DSCAML1: variants seen among roughly 807,000 people sequenced by gnomAD.
DSCAML1 encodes the protein cell adhesion molecule DSCAML1.
Under a neutral mutation model 200.5 loss-of-function variants are expected in DSCAML1, and 38 were observed. That is an observed-to-expected ratio of 0.19 (90% confidence interval 0.15 to 0.25). The LOEUF (loss-of-function observed/expected upper bound fraction) is 0.25, where lower values mean the gene tolerates loss of function less well. Among genes scored for constraint, DSCAML1 ranks in the 10% least tolerant of loss-of-function variants. The pLI, the probability that DSCAML1 is intolerant of heterozygous loss-of-function variation, is 1.00. For synonymous variants in DSCAML1, 1,215 were observed against 1,165.0 expected, an observed-to-expected ratio of 1.04 and a Z score of -0.87; for missense variants, 2,223 against 2,858.8, an observed-to-expected ratio of 0.78 and a Z score of 5.07.
At chr11:117,686,917 T>A (rs929690377) in intron 3 of DSCAML1, among the ~76,000 whole-genome samples, 6 of 152,234 alleles carry the variant, frequency 3.9e-5, no homozygotes, top group African/African-American at 1.4e-4. Flanking sequence ...AACCGGTGAC[T>A]CAGGCACTAA....
At position 117,450,647 on chromosome 11, in the gene DSCAML1, C is replaced by A. The variant is rs1456154485; in HGVS notation, c.3610G>T (p.Ala1204Ser). 1 of 1,614,054 alleles carries A rather than the reference C, an allele frequency of 6.2e-7. No homozygotes were observed. Among genetic ancestry groups the A allele is most frequent in the Non-Finnish European group, 8.5e-7 (1 of 1,180,032 alleles). ...PAGIKAVPSS[A>S]SSVVVSWLPP... ...AGCCAAGACACAACCACACTGCTAG[C>A]TGATGAAGGGACAGCTTTGATGCCA... Residue 1204 changes from alanine (A) to serine (S), a missense_variant, in exon 20 of 33, where the codon GCT becomes TCT. Ala to Ser is a moderately conservative substitution (Grantham distance 99). Transcript: ENST00000651296.
At chr11:117,769,804 T>C (rs984742458) in intron 3 of DSCAML1, among the ~76,000 whole-genome samples, 12 of 151,656 alleles carry the variant, frequency 7.9e-5, no homozygotes, top group African/African-American at 2.4e-4. Context: ...AAGCTAAATA[T>C]GTCAAACGCT....
At chr11:117,460,719 A>G (rs1212137774) in intron 18 of DSCAML1, among the ~76,000 whole-genome samples, 1 of 152,092 alleles carries the variant, frequency 6.6e-6, no homozygotes, top group Admixed American at 6.5e-5. Context: ...AGTTTGGGCC[A>G]TCTTACTGGT....
chr11:117,467,193 A>ACCCCCCCCCCCCC lies in DSCAML1; in HGVS notation c.3025-2012_3025-2011insGGGGGGGGGGGGG, dbSNP rs757481843. Among the ~76,000 whole-genome samples the ACCCCCCCCCCCCC allele has an allele frequency of 3.4e-4, 37 of 109,512 alleles. 2 individuals are homozygous for ACCCCCCCCCCCCC. The highest frequency in any genetic ancestry group is 1.1e-3 in the African/African-American group (24 of 22,560). The allele number at this position is 109,512 out of a possible 152,430, so 71.8% of individuals were successfully genotyped here. On this transcript the variant is annotated intron_variant, in intron 16 of 32. Coordinates refer to ENST00000651296, the MANE Select transcript of DSCAML1 (RefSeq NM_020693.4). ...CGCGCACGCATGCGCGTGCACACAC[A>ACCCCCCCCCCCCC]CCTCCCCCCTCCCCCCGCCGCCAAT...
chr11:117,595,090 C>CACACACACACACA (rs1416381581), intron 3 of DSCAML1, among the ~76,000 whole-genome samples: 14 of 80,388 alleles, frequency 1.7e-4, no homozygotes, highest in African/African-American at 1.0e-3. Flanking sequence ...ACACACACAC[C>CACACACACACACA]CTTTGATATT....
chr11:117,794,963 C>T (rs1425311902), intron 1 of DSCAML1, among the ~76,000 whole-genome samples: 3 of 152,218 alleles, frequency 2.0e-5, no homozygotes, highest in Non-Finnish European at 4.4e-5. Flanking sequence ...ATCTCCAGCC[C>T]GCCTACAGGT....
chr11:117,464,547 G>A (rs1184586433), intron 17 of DSCAML1, among the ~76,000 whole-genome samples: 4 of 152,164 alleles, frequency 2.6e-5, no homozygotes, highest in Non-Finnish European at 4.4e-5. Context: ...ATGGTGGACA[G>A]GTTCCAGACT....
intron 3 of DSCAML1, among the ~76,000 whole-genome samples, chr11:117,538,584 T>G (rs913937976): frequency 1.2e-4 from 19 of 152,226 alleles, no homozygotes; most frequent in Non-Finnish European, 2.1e-4. Context: ...TTAAGTGAGC[T>G]GACAGCATCT....
At chr11:117,617,089 C>A (rs548740672) in intron 3 of DSCAML1, among the ~76,000 whole-genome samples, 2 of 152,208 alleles carry the variant, frequency 1.3e-5, no homozygotes, top group Non-Finnish European at 2.9e-5. Flanking sequence ...TGAATTCTCA[C>A]AACAGTAGGA....
At chr11:117,566,356 C>CTCTCTCT (rs199711944) in intron 3 of DSCAML1, among the ~76,000 whole-genome samples, 1 of 120,356 alleles carries the variant, frequency 8.3e-6, no homozygotes, top group Admixed American at 8.6e-5. Context: ...CTCTCTCTCT[C>CTCTCTCT]TTTTTTTTTT....
At chr11:117,576,934 G>A (rs1323005609) in intron 3 of DSCAML1, among the ~76,000 whole-genome samples, 3 of 152,192 alleles carry the variant, frequency 2.0e-5, no homozygotes, top group Admixed American at 6.5e-5. Context: ...GGCGTCTTAC[G>A]AGGGCGTCCA....
chr11:117,635,747 G>A (rs1229686640), intron 3 of DSCAML1, among the ~76,000 whole-genome samples: 2 of 152,066 alleles, frequency 1.3e-5, no homozygotes. Context: ...GAGAAGAAAT[G>A]AGGGAAAAGA....
intron 3 of DSCAML1, among the ~76,000 whole-genome samples, chr11:117,756,203 A>G (rs1359431913): frequency 6.6e-6 from 1 of 152,162 alleles, no homozygotes; most frequent in Non-Finnish European, 1.5e-5. Context: ...TGGGGACAGG[A>G]AGGAAGGTCA....
chr11:117,511,971 C>T (rs901373213), intron 8 of DSCAML1, among the ~76,000 whole-genome samples: 3 of 152,236 alleles, frequency 2.0e-5, no homozygotes, highest in Admixed American at 1.3e-4. Flanking sequence ...TGCTGCTGTT[C>T]GCAGCTTAGT....
intron 3 of DSCAML1, among the ~76,000 whole-genome samples, chr11:117,580,138 A>G (rs1011940027): frequency 4.6e-5 from 7 of 152,226 alleles, no homozygotes; most frequent in Non-Finnish European, 1.5e-5. Context: ...CTCATGGAAC[A>G]AGGATGGAAA....
chr11:117,768,920 A>G (rs1424954761), intron 3 of DSCAML1, among the ~76,000 whole-genome samples: 1 of 151,312 alleles, frequency 6.6e-6, no homozygotes, highest in Non-Finnish European at 1.5e-5. Context: ...TACTAAAAAT[A>G]CAAAAATTAG....
upstream of DSCAML1, among the ~76,000 whole-genome samples, chr11:117,799,124 C>G (rs2055633120): frequency 6.6e-6 from 1 of 152,192 alleles, no homozygotes; most frequent in African/African-American, 2.4e-5. Context: ...CGTTTCCAGT[C>G]TTCTGTCTTA....
intron 3 of DSCAML1, among the ~76,000 whole-genome samples, chr11:117,754,767 C>T (rs572543769): frequency 2.6e-4 from 40 of 152,202 alleles, no homozygotes; most frequent in African/African-American, 7.2e-4. Context: ...TCTTCAGTGC[C>T]GTGCTGCCTC....
chr11:117,754,212 G>A (rs747660903), intron 3 of DSCAML1, among the ~76,000 whole-genome samples: 9 of 152,168 alleles, frequency 5.9e-5, no homozygotes, highest in African/African-American at 1.7e-4. Context: ...GGAGCTGTGC[G>A]TGCATCCAGC....
Sources: gnomAD v4.1 joint callset for allele counts (sites outside exome capture counted in the v4.1 genomes callset) on GRCh38, gnomAD v4.1.1 for gene constraint, MANE v1.5 for transcripts, NCBI Gene and HGNC (gene_info 2026-07-23, HGNC 2026-07-21) for gene names.